Variants in COMMD10 observed in about 807,000 individuals in gnomAD.
COMMD10 encodes COMM domain-containing protein 10.
A neutral mutation model predicts 28.9 loss-of-function variants in COMMD10; 33 were observed. That is an observed-to-expected ratio of 1.14 (90% CI 0.87 to 1.53). The LOEUF (loss-of-function observed/expected upper bound fraction) is 1.53, where lower values mean the gene tolerates loss of function less well. Ranked by LOEUF, COMMD10 falls within the 40% of genes most tolerant of loss-of-function variation. The probability of loss-of-function intolerance (pLI) is 0.00; values close to 1 mark genes in which losing one functional copy is unlikely to be tolerated. For missense variants in COMMD10, 310 were observed against 233.4 expected (o/e 1.33, Z -2.14); for synonymous variants, 110 against 81.7 (o/e 1.35, Z -1.87).
intron 5 of COMMD10, among the ~76,000 whole-genome samples, chr5:116,234,180 G>A (rs1041126343): frequency 6.6e-6 from 1 of 152,086 alleles, no homozygotes; most frequent in African/African-American, 2.4e-5. Context: ...GGAGGCCAAA[G>A]TAACAAAAGC....
chr5:116,153,379 C>G (rs1752600783), intron 5 of COMMD10, among the ~76,000 whole-genome samples: 1 of 151,986 alleles, frequency 6.6e-6, no homozygotes, highest in African/African-American at 2.4e-5. Context: ...TAAGCTACCT[C>G]ATTGTTTCTT....
intron 5 of COMMD10, among the ~76,000 whole-genome samples, chr5:116,235,353 C>T (rs989397085): frequency 6.6e-6 from 1 of 152,162 alleles, no homozygotes; most frequent in Non-Finnish European, 1.5e-5. Flanking sequence ...TGTTACATTT[C>T]GAGTTCCAAG....
chr5:116,167,470 A>T (rs1019369455), intron 5 of COMMD10, among the ~76,000 whole-genome samples: 9 of 152,156 alleles, frequency 5.9e-5, no homozygotes, highest in African/African-American at 2.2e-4. Flanking sequence ...ACAGGACAAC[A>T]TTCAAATTCA....
intron 5 of COMMD10, among the ~76,000 whole-genome samples, chr5:116,208,279 T>C (rs1048416923): frequency 6.6e-6 from 1 of 152,210 alleles, no homozygotes; most frequent in East Asian, 1.9e-4. Context: ...ATTGCACTTT[T>C]GGAGCCTTTT....
At chr5:116,179,199 A>T (rs901826252) in intron 5 of COMMD10, among the ~76,000 whole-genome samples, 1 of 152,170 alleles carries the variant, frequency 6.6e-6, no homozygotes, top group Non-Finnish European at 1.5e-5. Flanking sequence ...ATAAGATTCA[A>T]TACACATAAA....
chr5:116,162,844 G>C (rs1179766790), intron 5 of COMMD10, among the ~76,000 whole-genome samples: 1 of 145,386 alleles, frequency 6.9e-6, no homozygotes, highest in African/African-American at 2.6e-5. Context: ...CAGAGTAGTA[G>C]TTTTGGAACT....
At chr5:116,216,567 C>T (rs1207756465) in intron 5 of COMMD10, among the ~76,000 whole-genome samples, 1 of 152,194 alleles carries the variant, frequency 6.6e-6, no homozygotes, top group Non-Finnish European at 1.5e-5. Context: ...GAGTCTTGCT[C>T]TGTCACCAGG....
intron 5 of COMMD10, among the ~76,000 whole-genome samples, chr5:116,165,509 T>C (rs1268456797): frequency 6.6e-6 from 1 of 152,124 alleles, no homozygotes; most frequent in Non-Finnish European, 1.5e-5. Flanking sequence ...ATCAAGGTCT[T>C]GGCAAATTTG....
intron 4 of COMMD10, among the ~76,000 whole-genome samples, chr5:116,107,050 G>T (rs993362625): frequency 6.6e-6 from 1 of 150,946 alleles, no homozygotes; most frequent in Non-Finnish European, 1.5e-5. Flanking sequence ...TGCCCATTAG[G>T]GTTTCTGCTG....
chr5:116,250,164 G>A (rs977258667), intron 5 of COMMD10, among the ~76,000 whole-genome samples: 6 of 147,600 alleles, frequency 4.1e-5, no homozygotes, highest in Non-Finnish European at 7.4e-5. Context: ...TAATTCAATC[G>A]CTGTGATACC....
intron 5 of COMMD10, among the ~76,000 whole-genome samples, chr5:116,249,446 A>G (rs1260559985): frequency 6.6e-6 from 1 of 151,954 alleles, no homozygotes; most frequent in Non-Finnish European, 1.5e-5. Flanking sequence ...TTTTGAAGTT[A>G]CTTTGATATT....
chr5:116,102,756 T>A (rs1166305940), intron 4 of COMMD10, among the ~76,000 whole-genome samples: 1 of 152,106 alleles, frequency 6.6e-6, no homozygotes, highest in African/African-American at 2.4e-5. Flanking sequence ...CATAGTGGTT[T>A]GCTGCACCCA....
At chr5:116,142,783 A>G (rs917663615) in intron 5 of COMMD10, among the ~76,000 whole-genome samples, 5 of 151,736 alleles carry the variant, frequency 3.3e-5, no homozygotes, top group Non-Finnish European at 7.4e-5. Flanking sequence ...GTTTTATTAT[A>G]GAACATGTAG....
chr5:116,120,529 T>C (rs901798348), intron 4 of COMMD10, among the ~76,000 whole-genome samples: 2 of 152,150 alleles, frequency 1.3e-5, no homozygotes, highest in Admixed American at 6.5e-5. Flanking sequence ...TTTTTAAAGA[T>C]AGAGTATTTT....
intron 4 of COMMD10, among the ~76,000 whole-genome samples, chr5:116,127,230 C>T (rs1474968168): frequency 1.3e-5 from 2 of 152,172 alleles, no homozygotes; most frequent in Non-Finnish European, 2.9e-5. Flanking sequence ...AATGAGATAC[C>T]ACCTCACACC....
At chr5:116,118,065 CT>C (rs1332663272) in intron 4 of COMMD10, among the ~76,000 whole-genome samples, 1 of 152,170 alleles carries the variant, frequency 6.6e-6, no homozygotes, top group East Asian at 1.9e-4. Context: ...TGACCATCTC[CT>C]TTTAACATCC....
At chr5:116,217,809 AGT>A (rs768305306) in intron 5 of COMMD10, among the ~76,000 whole-genome samples, 1 of 152,088 alleles carries the variant, frequency 6.6e-6, no homozygotes. Context: ...AGAAGGGAAA[AGT>A]GTTTTCCCCA....
chr5:116,257,244 C>G (rs1198197640), intron 5 of COMMD10, among the ~76,000 whole-genome samples: 2 of 151,670 alleles, frequency 1.3e-5, no homozygotes, highest in African/African-American at 4.9e-5. Flanking sequence ...TGTCAGTGCT[C>G]AAAAACTTTC....
At chr5:116,288,745 G>A (rs1438127162) in intron 5 of COMMD10, among the ~76,000 whole-genome samples, 4 of 150,988 alleles carry the variant, frequency 2.6e-5, no homozygotes, top group African/African-American at 7.3e-5. Context: ...TTTCCATTCC[G>A]TTACTGTATT....
Sources: gnomAD v4.1 joint callset for allele counts (sites outside exome capture counted in the v4.1 genomes callset) on GRCh38, gnomAD v4.1.1 for gene constraint, MANE v1.5 for transcripts, NCBI Gene and HGNC (gene_info 2026-07-23, HGNC 2026-07-21) for gene names.